UST: variants seen among roughly 807,000 people sequenced by gnomAD.
UST encodes uronyl 2-sulfotransferase, also known as chondroitin sulfate 2-O-sulfotransferase.
In UST, 21 loss-of-function variants were observed where a neutral mutation model predicts 45.6. That is an observed-to-expected ratio of 0.46 (90% confidence interval 0.33 to 0.66). The LOEUF is 0.66. UST is among the 30% of genes least tolerant of loss of function. The pLI is 0.02. For missense variants in UST, 463 were observed against 512.4 expected (o/e 0.90, Z 0.93); for synonymous variants, 215 against 200.6 (o/e 1.07, Z -0.61).
chr6:148,760,676 A>G (rs1262385975), intron 1 of UST, among the ~76,000 whole-genome samples: 2 of 152,090 alleles, frequency 1.3e-5, no homozygotes, highest in Non-Finnish European at 2.9e-5. Context: ...ATTAAAGTGA[A>G]AGCTCAACAG....
At chr6:148,981,087 A>C (rs1582941313) in intron 5 of UST, among the ~76,000 whole-genome samples, 1 of 152,098 alleles carries the variant, frequency 6.6e-6, no homozygotes, top group East Asian at 1.9e-4. Flanking sequence ...TCTCATCTGC[A>C]GTCTCTCATG....
At position 148,774,456 on chromosome 6, in the gene UST, TTAA is replaced by T. The variant is rs563924668; in HGVS notation, c.247+26786_247+26788del. On this transcript the variant is annotated intron_variant, in intron 1 of 7. Coordinates refer to ENST00000367463, the MANE Select transcript of UST (RefSeq NM_005715.3). ...GATCAACTGTGAAACAAAGGTAATCTTAATAATAACTCAAATTCAGGATATATA... is the reference window on the plus strand; with the variant it reads ...GATCAACTGTGAAACAAAGGTAATCTTAATAACTCAAATTCAGGATATATA... 2.3e-3 allele frequency among the ~76,000 whole-genome samples: 351 copies of T among 152,232 alleles called. 5 individuals carry two copies. The highest frequency in any genetic ancestry group is 7.8e-3 in the African/African-American group (326 of 41,550).
At chr6:148,792,363 A>G (rs73783206) in intron 1 of UST, among the ~76,000 whole-genome samples, 5,495 of 152,264 alleles carry the variant, frequency 0.036, 343 homozygotes, top group African/African-American at 0.13. Context: ...ATGAGAGCTC[A>G]CAGTCTTGCT....
intron 7 of UST, among the ~76,000 whole-genome samples, chr6:149,054,228 T>G (rs1776531086): frequency 6.6e-6 from 1 of 152,252 alleles, no homozygotes; most frequent in African/African-American, 2.4e-5. Context: ...TTTCACTTGC[T>G]TTCCCTTCTA....
intron 1 of UST, among the ~76,000 whole-genome samples, chr6:148,815,448 C>T (rs190612809): frequency 1.3e-5 from 2 of 151,992 alleles, no homozygotes; most frequent in African/African-American, 4.8e-5. Context: ...ACAAGTGAAC[C>T]CCAAGAGGGC....
chr6:148,768,261 G>T (rs73791005), intron 1 of UST, among the ~76,000 whole-genome samples: 16,450 of 152,130 alleles, frequency 0.11, 971 homozygotes, highest in Non-Finnish European at 0.13. Context: ...GTTTATGCTT[G>T]TAAGACATGG....
intron 1 of UST, among the ~76,000 whole-genome samples, chr6:148,802,482 G>A (rs971769172): frequency 1.3e-5 from 2 of 152,190 alleles, no homozygotes; most frequent in Admixed American, 6.5e-5. Context: ...ATAAAAGTAT[G>A]GGTAGGAAAG....
chr6:148,904,787 A>G (rs896664281), intron 2 of UST, among the ~76,000 whole-genome samples: 8 of 152,148 alleles, frequency 5.3e-5, no homozygotes, highest in African/African-American at 1.9e-4. Context: ...CCAAAGTGCT[A>G]AGATAACAGG....
chr6:148,947,924 A>C (rs1005110724), intron 3 of UST, among the ~76,000 whole-genome samples: 2 of 115,716 alleles, frequency 1.7e-5, no homozygotes, highest in African/African-American at 7.6e-5. Context: ...ACTTGGTGGA[A>C]AAAAAAAAAA....
chr6:149,032,045 C>A (rs537394195), intron 7 of UST, among the ~76,000 whole-genome samples: 2 of 152,196 alleles, frequency 1.3e-5, no homozygotes, highest in Non-Finnish European at 2.9e-5. Flanking sequence ...TGCCTGCGGA[C>A]CCAGCCTCTT....
At chr6:148,864,209 G>A (rs1336643535) in intron 1 of UST, among the ~76,000 whole-genome samples, 2 of 152,196 alleles carry the variant, frequency 1.3e-5, no homozygotes, top group African/African-American at 4.8e-5. Context: ...AATGGCAGGC[G>A]CCCCTCCCCC....
At chr6:148,770,378 T>C (rs1247837850) in intron 1 of UST, among the ~76,000 whole-genome samples, 1 of 149,240 alleles carries the variant, frequency 6.7e-6, no homozygotes, top group African/African-American at 2.5e-5. Context: ...GGCAAGCCAC[T>C]GGGCAAAATT....
At chr6:148,852,649 G>A (rs1582852307) in intron 1 of UST, among the ~76,000 whole-genome samples, 1 of 152,282 alleles carries the variant, frequency 6.6e-6, no homozygotes, top group Admixed American at 6.5e-5. Context: ...TGTTCACTTG[G>A]CCTGGAATGT....
chr6:148,834,433 G>T (rs977273924), intron 1 of UST, among the ~76,000 whole-genome samples: 1 of 152,088 alleles, frequency 6.6e-6, no homozygotes, highest in Admixed American at 6.6e-5. Flanking sequence ...TTAGTCCTTG[G>T]TTTATTAAAC....
At position 148,964,537 on chromosome 6, in the gene UST, A is replaced by C; in HGVS notation, c.655A>C (p.Ser219Arg). Residue 219 changes from serine to arginine, a missense_variant, in exon 5 of 8, where the codon AGC (serine) becomes CGC (arginine). Ser to Arg is a moderately radical substitution (Grantham distance 110). Transcript: ENST00000367463. ...GEQNHMIRTP[S>R]MRQEERYLDI... is the part of the protein sequence containing the mutation. ...ACAAAATCACATGATCCGCACCCCC[A>C]GCATGAGGCAGGAGGAGCGCTACCT... The C allele has an allele frequency of 1.2e-6, 2 of 1,613,998 alleles. No homozygotes were observed. Among genetic ancestry groups the C allele is most frequent in the Non-Finnish European group, 1.7e-6 (2 of 1,180,032 alleles).
rs547150468 is a variant in UST at position 148,936,514 on chromosome 6, G to T, written c.292-4765G>T. On this transcript the variant is annotated intron_variant, in intron 2 of 7. Transcript: ENST00000367463. Reference sequence around the variant, plus strand: ...CTGTATTGTTAAACAAGGATGAAAAGGGTTTACATGTCACAGAACCTAGGA... The same window carrying T: ...CTGTATTGTTAAACAAGGATGAAAATGGTTTACATGTCACAGAACCTAGGA... Among the ~76,000 whole-genome samples the T allele has an allele frequency of 4.7e-5, 7 of 150,164 alleles. No individual in the cohort carries two copies. In the East Asian group the frequency reaches 1.4e-3, roughly 30 times the overall value.
chr6:148,958,677 TAG>T (rs1432847478), intron 4 of UST, among the ~76,000 whole-genome samples: 2 of 152,218 alleles, frequency 1.3e-5, no homozygotes, highest in East Asian at 3.8e-4. Context: ...ATCCACACAC[TAG>T]AAAGCCTTGC....
intron 1 of UST, among the ~76,000 whole-genome samples, chr6:148,867,962 C>G (rs1378509907): frequency 6.6e-6 from 1 of 152,098 alleles, no homozygotes; most frequent in Non-Finnish European, 1.5e-5. Flanking sequence ...TCATCCTGTG[C>G]CTCCCTCCAT....
intron 1 of UST, among the ~76,000 whole-genome samples, chr6:148,869,148 C>G (rs1202631985): frequency 6.6e-6 from 1 of 152,194 alleles, no homozygotes; most frequent in Admixed American, 6.5e-5. Context: ...TTCAGCCTAT[C>G]TTTGGAAAGG....
Sources: allele counts gnomAD v4.1 joint callset (sites outside exome capture counted in the v4.1 genomes callset), GRCh38; gene constraint gnomAD v4.1.1; transcripts MANE v1.5; gene names NCBI Gene and HGNC (gene_info 2026-07-23, HGNC 2026-07-21).